The following GUCA1C variants were observed in gnomAD, a reference collection of about 807,000 sequenced individuals.
The protein encoded by GUCA1C is guanylyl cyclase-activating protein 3.
GUCA1C carries 15 observed loss-of-function variants against 16.2 expected under a neutral mutation model. The observed-to-expected ratio is 0.93, with a 90% CI of 0.62 to 1.43. The LOEUF is 1.43. Among genes scored for constraint, GUCA1C ranks in the 40% most tolerant of loss-of-function variants. The pLI, the probability that GUCA1C is intolerant of heterozygous loss-of-function variation, is 0.00. For missense variants in GUCA1C, 275 were observed against 244.8 expected (o/e 1.12, Z -0.82); for synonymous variants, 78 against 85.4 (o/e 0.91, Z 0.48).
At chr3:108,940,986 T>C (rs1946780476) in intron 1 of GUCA1C, among the ~76,000 whole-genome samples, 1 of 152,202 alleles carries the variant, frequency 6.6e-6, no homozygotes, top group African/African-American at 2.4e-5. Flanking sequence ...ATTCTGATTC[T>C]TCCCAAGGTG....
At chr3:108,910,902 G>A (rs763701135) in intron 3 of GUCA1C, among the ~76,000 whole-genome samples, 23 of 151,984 alleles carry the variant, frequency 1.5e-4, no homozygotes, top group Admixed American at 2.6e-4. Context: ...CACCCACCTC[G>A]GCCCCCCAAA....
intron 1 of GUCA1C, among the ~76,000 whole-genome samples, chr3:108,923,099 G>A (rs545801380): frequency 6.6e-6 from 1 of 152,240 alleles, no homozygotes; most frequent in African/African-American, 2.4e-5. Flanking sequence ...TACAGATTGT[G>A]ATATTTTCTC....
At chr3:108,921,202 A>T (rs759208687) in intron 1 of GUCA1C, among the ~76,000 whole-genome samples, 1 of 152,176 alleles carries the variant, frequency 6.6e-6, no homozygotes, top group Non-Finnish European at 1.5e-5. Context: ...TATAGTATGT[A>T]GCTTTTTCAG....
At chr3:108,945,932 G>A (rs9849179) in intron 1 of GUCA1C, among the ~76,000 whole-genome samples, 28,449 of 152,052 alleles carry the variant, frequency 0.19, 2,759 homozygotes, top group Middle Eastern at 0.27. Flanking sequence ...TTGTTAAATT[G>A]TATAAGCCAA....
intron 3 of GUCA1C, among the ~76,000 whole-genome samples, chr3:108,911,591 T>A (rs992144745): frequency 4.6e-5 from 7 of 152,148 alleles, no homozygotes; most frequent in Non-Finnish European, 1.0e-4. Context: ...TAGCAACATT[T>A]TACAGGAGAG....
At chr3:108,915,439 T>G (rs762886685) in intron 3 of GUCA1C, among the ~76,000 whole-genome samples, 5 of 152,224 alleles carry the variant, frequency 3.3e-5, no homozygotes, top group Admixed American at 6.5e-5. Flanking sequence ...CCTACCTGTT[T>G]GCTGATATCA....
chr3:108,927,393 T>A (rs1189769241), intron 1 of GUCA1C, among the ~76,000 whole-genome samples: 1 of 151,838 alleles, frequency 6.6e-6, no homozygotes, highest in African/African-American at 2.4e-5. Flanking sequence ...TTTAACATAG[T>A]CCCAAACTTC....
At chr3:108,941,512 G>A (rs563874936) in intron 1 of GUCA1C, among the ~76,000 whole-genome samples, 32 of 152,188 alleles carry the variant, frequency 2.1e-4, no homozygotes, top group African/African-American at 6.5e-4. Flanking sequence ...TTTTAGACCC[G>A]TTTCCCTCCT....
intron 3 of GUCA1C, among the ~76,000 whole-genome samples, chr3:108,912,583 G>T (rs1488622360): frequency 6.6e-6 from 1 of 151,428 alleles, no homozygotes; most frequent in Non-Finnish European, 1.5e-5. Flanking sequence ...GTAAAGAAAA[G>T]AAAAAAATTG....
intron 1 of GUCA1C, among the ~76,000 whole-genome samples, chr3:108,933,256 G>A (rs879643884): frequency 2.0e-5 from 3 of 152,152 alleles, no homozygotes; most frequent in Non-Finnish European, 4.4e-5. Context: ...TTAAGAGCTC[G>A]CAAAGCCAGA....
rs754958232 is a variant in GUCA1C at position 108,953,566 on chromosome 3, G to A, written c.197C>T (p.Thr66Met). ...HIDQVYNTFD[T>M]NKDGFVDFLE... ...AAAAATGAAAGATCTTACCTTGTTC[G>A]TGTCAAAGGTATTATAAACTTGATC... is the stretch of plus-strand genomic sequence containing the variant. The change falls in exon 1 of 4, where the codon ACG becomes ATG. Residue 66 changes from threonine (T) to methionine (M), a missense_variant. Coordinates refer to ENST00000261047, the MANE Select transcript of GUCA1C (RefSeq NM_005459.4). 54 of 1,583,672 alleles carry A rather than the reference G, an allele frequency of 3.4e-5. No homozygotes were observed. Among genetic ancestry groups the A allele is most frequent in the East Asian group, 4.5e-5 (2 of 44,676 alleles).
At chr3:108,944,269 G>A (rs773247522) in intron 1 of GUCA1C, among the ~76,000 whole-genome samples, 2 of 152,148 alleles carry the variant, frequency 1.3e-5, no homozygotes, top group Non-Finnish European at 2.9e-5. Context: ...AAACACACCT[G>A]ATAGGAATAA....
chr3:108,946,663 T>C (rs757568128), intron 1 of GUCA1C, among the ~76,000 whole-genome samples: 6 of 152,114 alleles, frequency 3.9e-5, no homozygotes, highest in Middle Eastern at 3.2e-3. Flanking sequence ...TTATAGGTAA[T>C]ATGAAGAATC....
intron 3 of GUCA1C, among the ~76,000 whole-genome samples, chr3:108,909,783 C>A (rs1473173186): frequency 6.6e-6 from 1 of 152,068 alleles, no homozygotes; most frequent in Non-Finnish European, 1.5e-5. Flanking sequence ...TGCTTATTAA[C>A]TTTTTTCATG....
chr3:108,908,068 GA>G lies in GUCA1C; in HGVS notation c.583del (p.Ser195ProfsTer9). The G allele has an allele frequency of 6.2e-7, 1 of 1,613,772 alleles. No homozygotes were observed. Among genetic ancestry groups the G allele is most frequent in the Non-Finnish European group, 8.5e-7 (1 of 1,179,818 alleles). Reference sequence around the variant, plus strand: ...TAGACCAGCCTTGTCAGGAGATTTGGAGGAGTCTGTCTCCATGTCTGGCTGC... The same window carrying G: ...TAGACCAGCCTTGTCAGGAGATTTGGGGAGTCTGTCTCCATGTCTGGCTGC... Reference protein sequence around the residue: ...GKQPDMETDSSKSPDKAGLGK... With the variant: ...GKQPDMETDSXKSPDKAGLGK... On this transcript the variant is annotated frameshift_variant, in exon 4 of 4. Coordinates refer to ENST00000261047, the MANE Select transcript of GUCA1C (RefSeq NM_005459.4). LOFTEE classifies it low-confidence loss of function (END_TRUNC).
chr3:108,950,362 G>T (rs941071236), intron 1 of GUCA1C, among the ~76,000 whole-genome samples: 1 of 152,156 alleles, frequency 6.6e-6, no homozygotes, highest in African/African-American at 2.4e-5. Flanking sequence ...AACATGGAGT[G>T]CAGATAACCT....
At chr3:108,916,847 T>C (rs181832379) in intron 2 of GUCA1C, among the ~76,000 whole-genome samples, 2 of 152,326 alleles carry the variant, frequency 1.3e-5, no homozygotes, top group Admixed American at 1.3e-4. Flanking sequence ...GACCCAGACT[T>C]GACATAGAAC....
At position 108,934,087 on chromosome 3, in the gene GUCA1C, A is replaced by G. The variant is rs150975098; in HGVS notation, c.205-13502T>C. ...CAAACTAACACAGGAACAGAAAACC[A>G]AACACTGCATGTTCTCACTCATAAG... is the stretch of plus-strand genomic sequence containing the variant. On this transcript the variant is annotated intron_variant, in intron 1 of 3. Transcript: ENST00000261047. Among the ~76,000 whole-genome samples, 14 of 152,294 alleles carry G rather than the reference A, an allele frequency of 9.2e-5. No individual in the cohort carries two copies. The East Asian group carries it at 2.7e-3, about 29-fold the overall frequency.
At chr3:108,929,999 G>GTT (rs1946652478) in intron 1 of GUCA1C, among the ~76,000 whole-genome samples, 1 of 152,124 alleles carries the variant, frequency 6.6e-6, no homozygotes, top group Admixed American at 6.5e-5. Context: ...CCCTTATCCT[G>GTT]TTTTCTTATT....
Sources: allele counts gnomAD v4.1 joint callset (sites outside exome capture counted in the v4.1 genomes callset), GRCh38; gene constraint gnomAD v4.1.1; transcripts MANE v1.5; gene names NCBI Gene and HGNC (gene_info 2026-07-23, HGNC 2026-07-21).